Variants in CSF1R observed in about 807,000 individuals in gnomAD.
CSF1R encodes macrophage colony-stimulating factor 1 receptor.
Under a neutral mutation model 110.0 loss-of-function variants are expected in CSF1R, and 40 were observed. The observed-to-expected ratio is 0.36, with a 90% CI of 0.28 to 0.47. The LOEUF (loss-of-function observed/expected upper bound fraction) is 0.47, where lower values mean the gene tolerates loss of function less well. Among genes scored for constraint, CSF1R ranks in the 20% least tolerant of loss-of-function variants. The pLI is 0.99. For synonymous variants in CSF1R, 523 were observed against 503.4 expected, an observed-to-expected ratio of 1.04 and a Z score of -0.52; for missense variants, 1,052 against 1,253.0, an observed-to-expected ratio of 0.84 and a Z score of 2.42.
rs149436601 is a variant in CSF1R at position 150,061,585 on chromosome 5, G to A, written c.1764C>T (p.Leu588=). Reference sequence around the variant, plus strand: ...CCACCTTCCCAAAGGCTCCAGCTCCGAGGGTCTTACCTGCCACGCACACAG... The same window carrying A: ...CCACCTTCCCAAAGGCTCCAGCTCCAAGGGTCTTACCTGCCACGCACACAG... ...PRNNLQFGKT[L]GAGAFGKVVE... is the part of the protein sequence containing the mutation. Residue 588 remains leucine (L), a synonymous_variant, in exon 12 of 21, where the codon CTC becomes CTT. Transcript: ENST00000675795. 63 of 1,613,850 alleles carry A rather than the reference G, an allele frequency of 3.9e-5. No homozygotes were observed. In the South Asian group the frequency reaches 4.8e-4, roughly 12 times the overall value.
chr5:150,100,307 TTTTTTTC>T (rs1273607695), intron 1 of CSF1R, among the ~76,000 whole-genome samples: 1 of 135,610 alleles, frequency 7.4e-6, no homozygotes, highest in South Asian at 2.5e-4. Context: ...TTTTTTTTTT[TTTTTTTC>T]TGAGACGGAG....
At chr5:150,061,636 G>A in intron 11 of CSF1R, 41 bp from the exon 12 acceptor site, 2 of 1,614,074 alleles carry the variant, frequency 1.2e-6, no homozygotes, top group Non-Finnish European at 1.7e-6. Context: ...GGGCACCAAA[G>A]GGCCTCTGTC....
rs2113778570 is a variant in CSF1R at position 150,056,102 on chromosome 5, G to A, written c.2478C>T (p.Ser826=). 6.2e-7 allele frequency: 1 copy of A among 1,614,230 alleles called. No individual in the cohort carries two copies. The highest frequency in any genetic ancestry group is 8.5e-7 in the Non-Finnish European group (1 of 1,180,044). The part of the protein sequence containing the change: ...RLPVKWMAPE[S]IFDCVYTVQS... ...GAACCGTGTAGACACAGTCAAAGAT[G>A]CTCTCTGGGGCCATCCACTTCACAG... Residue 826 remains serine, a synonymous_variant, in exon 18 of 21, where the codon AGC becomes AGT. Coordinates refer to ENST00000675795, the MANE Select transcript of CSF1R (RefSeq NM_001288705.3).
chr5:150,061,696 C>T (rs1757536920), intron 11 of CSF1R, 27 bp downstream of exon 11: 1 of 1,614,088 alleles, frequency 6.2e-7, no homozygotes, highest in South Asian at 1.1e-5. Context: ...TGATAGGAAG[C>T]TGTGGAGTGA....
chr5:150,085,082 C>T (rs1339344527), intron 1 of CSF1R, among the ~76,000 whole-genome samples: 1 of 151,980 alleles, frequency 6.6e-6, no homozygotes, highest in Non-Finnish European at 1.5e-5. Flanking sequence ...AGTTCGAGAC[C>T]AGCTTGGCCA....
intron 1 of CSF1R, among the ~76,000 whole-genome samples, chr5:150,105,577 C>G (rs75253696): frequency 1.3e-5 from 2 of 151,490 alleles, no homozygotes; most frequent in African/African-American, 4.9e-5. Context: ...GGCTAGAGTA[C>G]AGTGTCAGAG....
intron 9 of CSF1R, among the ~76,000 whole-genome samples, chr5:150,069,243 C>T (rs1448011156): frequency 2.0e-5 from 3 of 152,120 alleles, no homozygotes; most frequent in East Asian, 1.9e-4. Flanking sequence ...GGTGCCAGAG[C>T]CTGGTTGTCA....
chr5:150,065,956 G>A (rs559085705), intron 10 of CSF1R, among the ~76,000 whole-genome samples: 4 of 152,248 alleles, frequency 2.6e-5, no homozygotes, highest in Non-Finnish European at 4.4e-5. Context: ...TGGCAGCTCT[G>A]TGGGCACTGC....
At chr5:150,095,195 C>T (rs1021278416) in intron 1 of CSF1R, 5 of 610,198 alleles carry the variant, frequency 8.2e-6, no homozygotes, top group Non-Finnish European at 1.4e-5. Flanking sequence ...ATATAAAAAT[C>T]TCTTGTAACA....
intron 19 of CSF1R, chr5:150,054,692 A>G (rs1757114523): frequency 2.3e-6 from 1 of 434,114 alleles, no homozygotes; most frequent in East Asian, 3.9e-5. Flanking sequence ...CGATCTCTTA[A>G]AAGTCTGTTT....
At chr5:150,070,094 C>T in intron 8 of CSF1R, 31 bp from the exon 9 acceptor site, 1 of 1,610,164 alleles carries the variant, frequency 6.2e-7, no homozygotes, top group Admixed American at 1.7e-5. Flanking sequence ...CTCAGAGCTT[C>T]AGGGTTCCCA....
At chr5:150,112,241 A>C (rs149110477) in intron 1 of CSF1R, among the ~76,000 whole-genome samples, 2 of 37,296 alleles carry the variant, frequency 5.4e-5, no homozygotes, top group Admixed American at 2.5e-4. Flanking sequence ...AAAAACAAAA[A>C]CAAACAAAAC....
intron 6 of CSF1R, among the ~76,000 whole-genome samples, chr5:150,071,798 A>G (rs536638144): frequency 6.6e-6 from 1 of 152,300 alleles, no homozygotes; most frequent in Admixed American, 6.5e-5. Context: ...CCAGATTCAG[A>G]ACTTCTGCTT....
At chr5:150,090,775 G>A (rs945079422), upstream of CSF1R, among the ~76,000 whole-genome samples, 1 of 152,096 alleles carries the variant, frequency 6.6e-6, no homozygotes, top group African/African-American at 2.4e-5. Flanking sequence ...CAAACAAAGG[G>A]TCCACACGGA....
At chr5:150,068,842 G>A (rs1433701523) in intron 9 of CSF1R, among the ~76,000 whole-genome samples, 1 of 152,222 alleles carries the variant, frequency 6.6e-6, no homozygotes, top group Non-Finnish European at 1.5e-5. Flanking sequence ...CCTCTTCCCA[G>A]AATCTATACT....
At chr5:150,061,145 CAG>C (rs988578526) in intron 12 of CSF1R, among the ~76,000 whole-genome samples, 173 bp from the exon 13 acceptor site, 9 of 151,318 alleles carry the variant, frequency 5.9e-5, no homozygotes, top group Non-Finnish European at 7.4e-5. Flanking sequence ...ACACAGATGG[CAG>C]AGAGAGAGAG....
chr5:150,110,273 C>G (rs1174349437), intron 1 of CSF1R, among the ~76,000 whole-genome samples: 1 of 152,202 alleles, frequency 6.6e-6, no homozygotes, highest in African/African-American at 2.4e-5. Flanking sequence ...AACAATGCAG[C>G]AGTAGAGGCT....
Position 150,073,511 on chromosome 5 carries a change from CA to C in CSF1R, c.890-19del, listed in dbSNP as rs766250746. On this transcript the variant is annotated intron_variant, in intron 5 of 20. Transcript: ENST00000675795. The stretch of plus-strand genomic sequence containing the variant: ...GGCACTCTCTGGAAAGCAGAACACA[CA>C]AGCATCTGGCATTAGTGGGAAGATG... The C allele has an allele frequency of 3.1e-5, 49 of 1,605,972 alleles. No homozygotes were observed. Among genetic ancestry groups the C allele is most frequent in the Non-Finnish European group, 4.1e-5 (48 of 1,173,926 alleles).
chr5:150,073,255 C>G, intron 6 of CSF1R, 46 bp downstream of exon 6: 1 of 1,568,102 alleles, frequency 6.4e-7, no homozygotes, highest in East Asian at 2.3e-5. Context: ...TGAAGCATAC[C>G]CCATCTGGTT....
Sources: gnomAD v4.1 joint callset for allele counts (sites outside exome capture counted in the v4.1 genomes callset) on GRCh38, gnomAD v4.1.1 for gene constraint, MANE v1.5 for transcripts, NCBI Gene and HGNC (gene_info 2026-07-23, HGNC 2026-07-21) for gene names.